The following TRPC4AP variants were observed in gnomAD, a reference collection of about 807,000 sequenced individuals.
TRPC4AP encodes the protein transient receptor potential cation channel subfamily C member 4 associated protein.
A neutral mutation model predicts 99.0 loss-of-function variants in TRPC4AP; 45 were observed. The observed-to-expected ratio is 0.45, with a 90% CI of 0.36 to 0.58. TRPC4AP has a LOEUF of 0.58. Among genes scored for constraint, TRPC4AP ranks in the 20% least tolerant of loss-of-function variants. The probability of loss-of-function intolerance (pLI) is 0.00; values close to 1 mark genes in which losing one functional copy is unlikely to be tolerated. For missense variants in TRPC4AP, 879 were observed against 985.3 expected (o/e 0.89, Z 1.44); for synonymous variants, 408 against 385.8 (o/e 1.06, Z -0.67).
chr20:35,027,071 A>G (rs2083049131), intron 8 of TRPC4AP, among the ~76,000 whole-genome samples: 1 of 152,080 alleles, frequency 6.6e-6, no homozygotes, highest in South Asian at 2.1e-4. Context: ...AGAACCTCCA[A>G]TACGATGCTG....
chr20:35,042,859 A>C (rs1471398780), intron 7 of TRPC4AP, among the ~76,000 whole-genome samples: 1 of 152,198 alleles, frequency 6.6e-6, no homozygotes, highest in Admixed American at 6.5e-5. Flanking sequence ...CACGGTTCTA[A>C]AATCAAACAA....
In TRPC4AP at chr20:35,004,437, G is replaced by T. The variant is rs1316775285; in HGVS notation, c.2049+21C>A. On this transcript the variant is annotated intron_variant, in intron 17 of 18. Transcript: ENST00000252015. ...GTTTCCAATCGACCTTCCCTGCTGT[G>T]TGTCTGCCGGGGCCTCTCACCTGGG... 3.7e-6 allele frequency: 6 copies of T among 1,600,510 alleles called. No homozygotes were observed. In the East Asian group the frequency reaches 1.3e-4, roughly 36 times the overall value.
intron 1 of TRPC4AP, among the ~76,000 whole-genome samples, chr20:35,078,400 A>T (rs1600656354): frequency 6.6e-6 from 1 of 152,248 alleles, no homozygotes; most frequent in East Asian, 1.9e-4. Context: ...ACCACTCACA[A>T]ACAGCACAAT....
intron 1 of TRPC4AP, among the ~76,000 whole-genome samples, chr20:35,090,180 T>TAAAA (rs11167256): frequency 6.1e-4 from 86 of 140,870 alleles, no homozygotes; most frequent in African/African-American, 2.1e-3. Context: ...TGGAATAAAT[T>TAAAA]AAAAAAAAAA....
At chr20:35,087,516 C>T (rs994560709) in intron 1 of TRPC4AP, among the ~76,000 whole-genome samples, 2 of 152,142 alleles carry the variant, frequency 1.3e-5, no homozygotes, top group East Asian at 1.9e-4. Flanking sequence ...CCAGGGATGG[C>T]GGGTCATGAC....
At position 35,006,573 on chromosome 20, in the gene TRPC4AP, G is replaced by A. The variant is rs766734987; in HGVS notation, c.1689C>T (p.His563=). ...MFLLKRGLLE[H]ILYCIVDSEC... ...CGCTGTCCACAATGCAGTAAAGGAT[G>A]TGCTGGGTGAGGAGGGACAGGGTGA... The change falls in exon 15 of 19, where the codon CAC becomes CAT. Residue 563 remains histidine (H), a splice_region_variant and synonymous_variant. Coordinates refer to ENST00000252015, the MANE Select transcript of TRPC4AP (RefSeq NM_015638.3). The A allele has an allele frequency of 4.3e-6, 7 of 1,613,714 alleles. No homozygotes were observed. Among genetic ancestry groups the A allele is most frequent in the Non-Finnish European group, 5.9e-6 (7 of 1,179,632 alleles).
rs1569157456 is a variant in TRPC4AP, at chr20:35,086,465, G to GTATATA, written c.168+6148_168+6149insTATATA. Among the ~76,000 whole-genome samples, 41 of 116,164 alleles carry GTATATA rather than the reference G, an allele frequency of 3.5e-4. 6 individuals carry two copies. Among genetic ancestry groups the GTATATA allele is most frequent in the East Asian group, 1.1e-3 (4 of 3,740 alleles). 76.2% of individuals were successfully genotyped at this position (116,164 alleles called of 152,430 possible). A position where few individuals can be genotyped will look rare whatever the true frequency, so the allele number is the denominator to read the frequency against. ...TGTGTGTGTGTGTGTGTGTGTGTGT[G>GTATATA]TGTGTGTGTGTATGTGTGTGTATAT... On this transcript the variant is annotated intron_variant, in intron 1 of 18. Coordinates refer to ENST00000252015, the MANE Select transcript of TRPC4AP (RefSeq NM_015638.3).
At chr20:35,070,857 G>C (rs1314724840) in intron 2 of TRPC4AP, among the ~76,000 whole-genome samples, 3 of 152,006 alleles carry the variant, frequency 2.0e-5, no homozygotes, top group Non-Finnish European at 2.9e-5. Context: ...TGTTCATATG[G>C]AACAAAGCTA....
chr20:35,025,594 T>C (rs978679730), intron 8 of TRPC4AP, among the ~76,000 whole-genome samples: 1 of 152,166 alleles, frequency 6.6e-6, no homozygotes, highest in African/African-American at 2.4e-5. Context: ...TGTCTATATT[T>C]TGAAATGGGT....
intron 9 of TRPC4AP, among the ~76,000 whole-genome samples, chr20:35,018,607 AAAAAAAAAAAAAAAAAAAAG>A (rs999101366): frequency 7.0e-6 from 1 of 143,846 alleles, no homozygotes; most frequent in African/African-American, 2.6e-5. Context: ...AAAAAAAGAA[AAAAAAAAAAAAAAAAAAAAG>A]AAAGAAAGAA....
At chr20:35,020,401 G>A (rs549052421) in intron 9 of TRPC4AP, among the ~76,000 whole-genome samples, 3 of 152,202 alleles carry the variant, frequency 2.0e-5, no homozygotes, top group South Asian at 2.1e-4. Context: ...AGGCTGTCCC[G>A]CGCTGCCTCA....
At chr20:35,085,537 C>T (rs888911652) in intron 1 of TRPC4AP, among the ~76,000 whole-genome samples, 1 of 150,524 alleles carries the variant, frequency 6.6e-6, no homozygotes, top group African/African-American at 2.5e-5. Context: ...TGCTTGAGCC[C>T]AGGAGGCGGA....
At chr20:35,033,118 T>A (rs1484662456) in intron 8 of TRPC4AP, among the ~76,000 whole-genome samples, 1 of 152,022 alleles carries the variant, frequency 6.6e-6, no homozygotes, top group East Asian at 1.9e-4. Flanking sequence ...TGCTTGAACA[T>A]GGGAGACAGA....
At chr20:35,064,413 GCAA>G (rs952924656) in intron 3 of TRPC4AP, among the ~76,000 whole-genome samples, 5 of 152,204 alleles carry the variant, frequency 3.3e-5, no homozygotes, top group African/African-American at 1.2e-4. Context: ...TCTCAAACCA[GCAA>G]CAAATCTTTA....
At chr20:35,082,558 A>G (rs1343276276) in intron 1 of TRPC4AP, among the ~76,000 whole-genome samples, 1 of 152,244 alleles carries the variant, frequency 6.6e-6, no homozygotes, top group African/African-American at 2.4e-5. Context: ...ATGAGGTACA[A>G]CTAAAGCCAT....
chr20:35,038,199 T>A (rs1449816970), intron 7 of TRPC4AP, among the ~76,000 whole-genome samples: 1 of 151,208 alleles, frequency 6.6e-6, no homozygotes, highest in Non-Finnish European at 1.5e-5. Flanking sequence ...TTGTTCACTT[T>A]AAGACGGCTA....
chr20:35,072,087 T>A (rs150071543), intron 2 of TRPC4AP, among the ~76,000 whole-genome samples: 5 of 152,372 alleles, frequency 3.3e-5, no homozygotes, highest in African/African-American at 1.2e-4. Flanking sequence ...CGTCTTCTTT[T>A]GAAAAGTGTC....
chr20:35,063,180 C>T (rs1342349436), intron 3 of TRPC4AP, among the ~76,000 whole-genome samples: 1 of 152,220 alleles, frequency 6.6e-6, no homozygotes, highest in African/African-American at 2.4e-5. Context: ...CTCTGTCCTG[C>T]TGCCCTGTGA....
intron 8 of TRPC4AP, 22 bp from the exon 9 acceptor site, chr20:35,021,378 G>A (rs1440679092): frequency 3.7e-6 from 6 of 1,610,060 alleles, no homozygotes; most frequent in Non-Finnish European, 4.2e-6. Context: ...ACCGGAGACA[G>A]GATTGAGTCA....
Sources: allele counts gnomAD v4.1 joint callset (sites outside exome capture counted in the v4.1 genomes callset), GRCh38; gene constraint gnomAD v4.1.1; transcripts MANE v1.5; gene names NCBI Gene and HGNC (gene_info 2026-07-23, HGNC 2026-07-21).